Variants in RABGAP1L observed in about 807,000 individuals in gnomAD.
The protein encoded by RABGAP1L is rab GTPase-activating protein 1-like.
In RABGAP1L, 63 loss-of-function variants were observed where a neutral mutation model predicts 137.7. That is an observed-to-expected ratio of 0.46 (90% CI 0.37 to 0.56). The LOEUF is 0.56. RABGAP1L is among the 20% of genes least tolerant of loss of function. The pLI is 0.00. For missense variants in RABGAP1L, 1,095 were observed against 1,244.0 expected (o/e 0.88, Z 1.80); for synonymous variants, 431 against 433.7 (o/e 0.99, Z 0.08).
intron 19 of RABGAP1L, among the ~76,000 whole-genome samples, chr1:174,940,266 CT>C (rs531025242): frequency 1.2e-3 from 172 of 140,662 alleles, no homozygotes; most frequent in East Asian, 1.4e-3. Context: ...TTGTTTGTTT[CT>C]TTTTTTTTTT....
At position 174,561,763 on chromosome 1, in the gene RABGAP1L, C is replaced by T. The variant is rs1389809548; in HGVS notation, c.1711-75612C>T. Among the ~76,000 whole-genome samples the T allele has an allele frequency of 3.3e-5, 5 of 152,162 alleles. No individual in the cohort carries two copies. In the East Asian group the frequency reaches 5.8e-4, roughly 18 times the overall value. On this transcript the variant is annotated intron_variant, in intron 13 of 25. Transcript: ENST00000681986. ...GACAAAAGCAATGGGGGAAAGATTC[C>T]GTATTTAATAAATGGTGTTGGGAAA...
intron 13 of RABGAP1L, among the ~76,000 whole-genome samples, chr1:174,560,327 T>C (rs1262040203): frequency 2.0e-5 from 3 of 152,136 alleles, no homozygotes; most frequent in South Asian, 2.1e-4. Flanking sequence ...GGTAGTCCCA[T>C]ATATCAGTTC....
At chr1:174,958,915 T>C (rs1413310528) in intron 20 of RABGAP1L, among the ~76,000 whole-genome samples, 1 of 152,222 alleles carries the variant, frequency 6.6e-6, no homozygotes, top group East Asian at 1.9e-4. Flanking sequence ...TGAGGGATGC[T>C]GTATGTTAAG....
intron 13 of RABGAP1L, among the ~76,000 whole-genome samples, chr1:174,598,251 C>G (rs1217082835): frequency 6.6e-6 from 1 of 150,710 alleles, no homozygotes; most frequent in Non-Finnish European, 1.5e-5. Flanking sequence ...TCCCTTGAAC[C>G]CGGGAGGCGG....
At chr1:174,187,424 A>G (rs142559557) in intron 1 of RABGAP1L, among the ~76,000 whole-genome samples, 164 of 152,242 alleles carry the variant, frequency 1.1e-3, no homozygotes, top group African/African-American at 3.8e-3. Flanking sequence ...TAAGAAGCTT[A>G]AATATTTGTA....
chr1:174,547,720 T>C lies in RABGAP1L; in HGVS notation c.1711-89655T>C, dbSNP rs542644692. The C allele has an allele frequency of 1.3e-5, 11 of 865,486 alleles. No homozygotes were observed. The Admixed American group carries it at 1.7e-4, about 13-fold the overall frequency. 53.6% of individuals were successfully genotyped at this position (865,486 alleles called of 1,614,324 possible). A position where few individuals can be genotyped will look rare whatever the true frequency, so the allele number is the denominator to read the frequency against. ...TGTGTTCTTTTAGACATGGGGAATT[T>C]ATCTGCAAAGTTTGGATATGGAGTC... On this transcript the variant is annotated intron_variant, in intron 13 of 25. Coordinates refer to ENST00000681986, the MANE Select transcript of RABGAP1L (RefSeq NM_001366446.1).
chr1:174,448,924 C>T lies in RABGAP1L; in HGVS notation c.1710+54779C>T, dbSNP rs1655113477. 2 of 1,613,736 alleles carry T rather than the reference C, an allele frequency of 1.2e-6. No individual in the cohort carries two copies. The highest frequency in any genetic ancestry group is 1.7e-6 in the Non-Finnish European group (2 of 1,179,776). ...ACGCCATGGTTTTGTTTAGGATAAC[C>T]AGTGTATTTTATATGCTGTGGCTCC... is the stretch of plus-strand genomic sequence containing the variant. On this transcript the variant is annotated intron_variant, in intron 13 of 25. Transcript: ENST00000681986. This position sits in a 1 kb window ranked among gnomAD's most constrained non-coding sequence, Gnocchi z 4.2.
At position 174,392,911 on chromosome 1, in the gene RABGAP1L, TA is replaced by T. The variant is rs1320242967; in HGVS notation, c.1560-1078del. ...TTGCACCAGAGTCAGCTCTAATAGA[TA>T]AAAAATGAGCAACAAATACAAGTAA... On this transcript the variant is annotated intron_variant, in intron 12 of 25. Coordinates refer to ENST00000681986, the MANE Select transcript of RABGAP1L (RefSeq NM_001366446.1). Among the ~76,000 whole-genome samples the T allele has an allele frequency of 2.0e-5, 3 of 152,140 alleles. No homozygotes were observed. The South Asian group carries it at 6.2e-4, about 32-fold the overall frequency.
At chr1:174,192,318 GTT>G (rs3056994) in intron 1 of RABGAP1L, among the ~76,000 whole-genome samples, 30,725 of 112,210 alleles carry the variant, frequency 0.27, 3,645 homozygotes, top group African/African-American at 0.35. Flanking sequence ...TGTCTGAGGT[GTT>G]TTTTTTTTTT....
chr1:174,342,349 C>G, intron 11 of RABGAP1L, among the ~76,000 whole-genome samples: 1 of 152,022 alleles, frequency 6.6e-6, no homozygotes, highest in East Asian at 1.9e-4. Flanking sequence ...ATAGCATTTT[C>G]TATTTTTCCC....
chr1:174,311,257 T>TGA (rs1279865162), intron 11 of RABGAP1L, among the ~76,000 whole-genome samples: 1 of 150,560 alleles, frequency 6.6e-6, no homozygotes, highest in African/African-American at 2.4e-5. Context: ...GGAGAGAGAG[T>TGA]GAGAGAGAGA....
chr1:174,391,565 C>T (rs959785078), intron 12 of RABGAP1L, among the ~76,000 whole-genome samples: 10 of 152,022 alleles, frequency 6.6e-5, no homozygotes, highest in East Asian at 3.9e-4. Flanking sequence ...CTGGTCTGAA[C>T]GCCTGGGCTC....
chr1:174,704,789 A>G (rs1483156388), intron 17 of RABGAP1L, among the ~76,000 whole-genome samples: 2 of 152,236 alleles, frequency 1.3e-5, no homozygotes, highest in African/African-American at 4.8e-5. Context: ...TATTTGTACC[A>G]AAAACTCTAC....
intron 1 of RABGAP1L, among the ~76,000 whole-genome samples, chr1:174,192,228 C>T (rs1667259750): frequency 2.0e-5 from 3 of 151,386 alleles, no homozygotes; most frequent in Admixed American, 6.6e-5. Flanking sequence ...TGCTTGATCT[C>T]AAACCTTGAT....
rs1317345974 is a variant in RABGAP1L, at chr1:174,241,573, G to C, written c.633G>C (p.Glu211Asp). 1 of 1,613,530 alleles carries C rather than the reference G, an allele frequency of 6.2e-7. No homozygotes were observed. Among genetic ancestry groups the C allele is most frequent in the Non-Finnish European group, 8.5e-7 (1 of 1,179,676 alleles). Reference sequence around the variant, plus strand: ...CACGTGGACATGACGGAACAACAGAGAGCAATTGCTTTGCATTTACAGAGA... The same window carrying C: ...CACGTGGACATGACGGAACAACAGACAGCAATTGCTTTGCATTTACAGAGA... ...FCARGHDGTTESNCFAFTESS... is the reference protein window; with the variant it reads ...FCARGHDGTTDSNCFAFTESS... The change falls in exon 5 of 26, where the codon GAG becomes GAC. Residue 211 changes from glutamate (E) to aspartate (D), a missense_variant. By Grantham distance (45) the Glu-to-Asp change is conservative (BLOSUM62 2). Around this residue, in one of 4 missense-constraint regions of RABGAP1L, gnomAD observed 356 missense variants for 326.3 expected, o/e 1.09. Coordinates refer to ENST00000681986, the MANE Select transcript of RABGAP1L (RefSeq NM_001366446.1).
At chr1:174,905,447 A>G (rs1391849091) in intron 19 of RABGAP1L, among the ~76,000 whole-genome samples, 1 of 152,244 alleles carries the variant, frequency 6.6e-6, no homozygotes, top group East Asian at 1.9e-4. Flanking sequence ...TGGAAATTTT[A>G]GAACTAAAGA....
At chr1:174,549,206 A>G (rs1266142048) in intron 13 of RABGAP1L, among the ~76,000 whole-genome samples, 3 of 152,196 alleles carry the variant, frequency 2.0e-5, no homozygotes, top group East Asian at 3.8e-4. Flanking sequence ...CCTGTACCCT[A>G]TACTTCTTAA....
At chr1:174,610,765 T>C (rs1671166205) in intron 13 of RABGAP1L, among the ~76,000 whole-genome samples, 1 of 152,250 alleles carries the variant, frequency 6.6e-6, no homozygotes, top group South Asian at 2.1e-4. Flanking sequence ...TGTGAGATAG[T>C]ATCTCATTGT....
At chr1:174,941,280 A>G (rs1665823330) in intron 19 of RABGAP1L, among the ~76,000 whole-genome samples, 1 of 152,202 alleles carries the variant, frequency 6.6e-6, no homozygotes, top group Non-Finnish European at 1.5e-5. Context: ...AGTGATTAAC[A>G]TTTGAAACAC....
Sources: gnomAD v4.1 joint callset for allele counts (sites outside exome capture counted in the v4.1 genomes callset) on GRCh38, gnomAD v4.1.1 for gene constraint, gnomAD v4.1.1 regional missense constraint, Gnocchi (gnomAD v3.1) non-coding constraint, MANE v1.5 for transcripts, NCBI Gene and HGNC (gene_info 2026-07-23, HGNC 2026-07-21) for gene names.